Variants in PDZRN4 observed in about 807,000 individuals in gnomAD.
PDZRN4 encodes PDZ domain containing ring finger 4.
A neutral mutation model predicts 99.0 loss-of-function variants in PDZRN4; 70 were observed. That is an observed-to-expected ratio of 0.71 (90% confidence interval 0.58 to 0.86). The LOEUF (loss-of-function observed/expected upper bound fraction) is 0.86, where lower values mean the gene tolerates loss of function less well. Among genes scored for constraint, PDZRN4 ranks in the 40% least tolerant of loss-of-function variants. The probability of loss-of-function intolerance (pLI) is 0.00; values close to 1 mark genes in which losing one functional copy is unlikely to be tolerated. For synonymous variants in PDZRN4, 551 were observed against 501.6 expected (o/e 1.10, Z -1.32); for missense variants, 1,474 against 1,331.2 (o/e 1.11, Z -1.67).
intron 3 of PDZRN4, among the ~76,000 whole-genome samples, chr12:41,343,954 A>G (rs941185852): frequency 1.3e-5 from 2 of 152,104 alleles, no homozygotes; most frequent in African/African-American, 2.4e-5. Flanking sequence ...TGGTATATTA[A>G]TCTCAAAATA....
intron 3 of PDZRN4, among the ~76,000 whole-genome samples, chr12:41,362,098 T>A (rs1527089): frequency 0.98 from 148,549 of 151,922 alleles, 72,741 homozygotes; most frequent in Middle Eastern, 1. Context: ...TATTATGATC[T>A]AAAAAGGACT....
chr12:41,199,385 G>T (rs1485894613), intron 3 of PDZRN4, among the ~76,000 whole-genome samples: 2 of 152,152 alleles, frequency 1.3e-5, no homozygotes, highest in South Asian at 2.1e-4. Context: ...GTAGAGAAAA[G>T]AGAACACTTA....
intron 3 of PDZRN4, among the ~76,000 whole-genome samples, chr12:41,373,653 C>T (rs7974111): frequency 1.3e-5 from 2 of 151,838 alleles, no homozygotes; most frequent in African/African-American, 4.8e-5. Context: ...AACACACATG[C>T]TCTACAAACA....
chr12:41,341,100 C>T (rs1276078340), intron 3 of PDZRN4, among the ~76,000 whole-genome samples: 1 of 150,912 alleles, frequency 6.6e-6, no homozygotes, highest in Admixed American at 6.6e-5. Context: ...AATAAAAAGA[C>T]AAAAACGTGA....
intron 3 of PDZRN4, among the ~76,000 whole-genome samples, chr12:41,498,013 G>A (rs1029627662): frequency 6.6e-5 from 10 of 151,758 alleles, no homozygotes; most frequent in African/African-American, 2.4e-4. Flanking sequence ...AAAAAATTAT[G>A]AGAATAAAAA....
At chr12:41,327,068 G>T (rs10785233) in intron 3 of PDZRN4, among the ~76,000 whole-genome samples, 1 of 152,048 alleles carries the variant, frequency 6.6e-6, no homozygotes, top group African/African-American at 2.4e-5. Context: ...ATTCCTCTTT[G>T]TTTCTGTATT....
intron 5 of PDZRN4, among the ~76,000 whole-genome samples, chr12:41,535,618 T>G (rs1250561782): frequency 6.6e-6 from 1 of 152,090 alleles, no homozygotes; most frequent in Non-Finnish European, 1.5e-5. Context: ...TATTGGGAGG[T>G]GGACCTGATG....
chr12:41,569,586 T>C (rs200565091), intron 9 of PDZRN4, among the ~76,000 whole-genome samples: 1 of 152,172 alleles, frequency 6.6e-6, no homozygotes, highest in East Asian at 1.9e-4. Context: ...TCTTAAAAGA[T>C]GATAATTTTT....
intron 3 of PDZRN4, among the ~76,000 whole-genome samples, chr12:41,397,507 G>A (rs576941217): frequency 1.9e-3 from 286 of 152,178 alleles, no homozygotes; most frequent in Non-Finnish European, 3.2e-3. Flanking sequence ...ATTTTCATTT[G>A]GCAGATAAAA....
chr12:41,387,824 C>G (rs186111775), intron 3 of PDZRN4, among the ~76,000 whole-genome samples: 1 of 152,182 alleles, frequency 6.6e-6, no homozygotes, highest in Non-Finnish European at 1.5e-5. Flanking sequence ...TATACACTGA[C>G]GGTGTTGGAG....
chr12:41,466,129 C>T (rs1448432402), intron 3 of PDZRN4, among the ~76,000 whole-genome samples: 1 of 152,124 alleles, frequency 6.6e-6, no homozygotes, highest in Non-Finnish European at 1.5e-5. Context: ...GAGGTTAAAA[C>T]TCATGAGGCT....
chr12:41,551,219 G>A (rs1367832214), intron 5 of PDZRN4, among the ~76,000 whole-genome samples: 1 of 152,044 alleles, frequency 6.6e-6, no homozygotes, highest in Non-Finnish European at 1.5e-5. Flanking sequence ...CTTACATGGT[G>A]GAAGAGGCAA....
intron 3 of PDZRN4, among the ~76,000 whole-genome samples, chr12:41,295,746 G>C (rs1379622914): frequency 6.6e-6 from 1 of 152,080 alleles, no homozygotes; most frequent in African/African-American, 2.4e-5. Context: ...TTTCAAAAGA[G>C]ACCCTATCAG....
Position 41,538,586 on chromosome 12 carries a change from A to C in PDZRN4, c.1204-14070A>C, listed in dbSNP as rs187509414. Among the ~76,000 whole-genome samples, 669 of 152,294 alleles carry C rather than the reference A, an allele frequency of 4.4e-3. 10 individuals are homozygous for C. The highest frequency in any genetic ancestry group is 4.2e-3 in the Non-Finnish European group (285 of 67,986). The stretch of plus-strand genomic sequence containing the variant: ...AATGGCCAAATGATCAGATTAATCC[A>C]TTAACAACAAATGGAGAAACATGTC... On this transcript the variant is annotated intron_variant, in intron 5 of 9. Transcript: ENST00000402685.
At chr12:41,298,311 T>C (rs1951508989) in intron 3 of PDZRN4, among the ~76,000 whole-genome samples, 1 of 152,198 alleles carries the variant, frequency 6.6e-6, no homozygotes, top group South Asian at 2.1e-4. Context: ...TTCTCACATT[T>C]TGCTATTTGT....
intron 3 of PDZRN4, among the ~76,000 whole-genome samples, chr12:41,427,700 C>T (rs1328171280): frequency 1.3e-5 from 2 of 152,078 alleles, no homozygotes; most frequent in East Asian, 3.8e-4. Context: ...ATATGAGGAC[C>T]ATTTTCATGA....
intron 3 of PDZRN4, among the ~76,000 whole-genome samples, chr12:41,422,314 A>G (rs1186058770): frequency 1.3e-5 from 2 of 152,226 alleles, no homozygotes; most frequent in South Asian, 2.1e-4. Flanking sequence ...TGTGGAATAT[A>G]TCCTCAGTCA....
Position 41,572,472 on chromosome 12 carries a change from G to C in PDZRN4, c.1693G>C (p.Asp565His), listed in dbSNP as rs1213875051. Residue 565 changes from aspartate to histidine, a missense_variant, in exon 10 of 10, where the codon GAT (aspartate) becomes CAT (histidine). Asp to His is a moderately conservative substitution (Grantham distance 81). Transcript: ENST00000402685. ...ACGTACAGATGAAAGCTTGCGAAAT[G>C]ATGAGAGCTCAGAGCAGGAGAATGC... ...VGRTDESLRN[D>H]ESSEQENAAE... 16 of 1,614,014 alleles carry C rather than the reference G, an allele frequency of 9.9e-6. No homozygotes were observed. The highest frequency in any genetic ancestry group is 1.3e-5 in the African/African-American group (1 of 74,934).
intron 3 of PDZRN4, among the ~76,000 whole-genome samples, chr12:41,500,832 G>A (rs1938096271): frequency 1.3e-5 from 2 of 152,074 alleles, no homozygotes; most frequent in Non-Finnish European, 1.5e-5. Flanking sequence ...CAGATTATCT[G>A]AAATTCCTTC....
Sources: gnomAD v4.1 joint callset for allele counts (sites outside exome capture counted in the v4.1 genomes callset) on GRCh38, gnomAD v4.1.1 for gene constraint, MANE v1.5 for transcripts, NCBI Gene and HGNC (gene_info 2026-07-23, HGNC 2026-07-21) for gene names.